The following HECW1 variants were observed in gnomAD, a reference collection of about 807,000 sequenced individuals.
HECW1 encodes the protein HECT, C2 and WW domain containing E3 ubiquitin protein ligase 1, also known as E3 ubiquitin-protein ligase HECW1.
In HECW1, 61 loss-of-function variants were observed where a neutral mutation model predicts 182.3. The ratio of observed to expected loss-of-function variants is 0.33; its 90% CI spans 0.27 to 0.41. The LOEUF (loss-of-function observed/expected upper bound fraction) is 0.41. Among genes scored for constraint, HECW1 ranks in the 10% least tolerant of loss-of-function variants. The pLI, the probability that HECW1 is intolerant of heterozygous loss-of-function variation, is 1.00. For missense variants in HECW1, 1,739 were observed against 2,108.9 expected (o/e 0.82, Z 3.44); for synonymous variants, 859 against 832.6 (o/e 1.03, Z -0.55).
chr7:43,530,250 G>A (rs2080928294), intron 24 of HECW1, among the ~76,000 whole-genome samples: 1 of 151,228 alleles, frequency 6.6e-6, no homozygotes, highest in African/African-American at 2.4e-5. Flanking sequence ...GAGCCACCAT[G>A]CCTGGCTCAT....
At chr7:43,124,663 G>A (rs1023456541) in intron 2 of HECW1, among the ~76,000 whole-genome samples, 3 of 152,164 alleles carry the variant, frequency 2.0e-5, no homozygotes, top group South Asian at 2.1e-4. Flanking sequence ...TGGCATCAAC[G>A]ATCGAGGTGC....
At chr7:43,410,436 C>T (rs943590711) in intron 8 of HECW1, among the ~76,000 whole-genome samples, 2 of 152,068 alleles carry the variant, frequency 1.3e-5, no homozygotes, top group Non-Finnish European at 2.9e-5. Flanking sequence ...TCCAAAGGCC[C>T]GGCCTCTTAA....
At chr7:43,386,306 G>A (rs2074794482) in intron 6 of HECW1, among the ~76,000 whole-genome samples, 1 of 152,226 alleles carries the variant, frequency 6.6e-6, no homozygotes, top group Non-Finnish European at 1.5e-5. Flanking sequence ...CACCACAGAG[G>A]CAGGAAATCT....
intron 3 of HECW1, among the ~76,000 whole-genome samples, chr7:43,285,437 C>A (rs1804512832): frequency 1.3e-5 from 2 of 152,222 alleles, no homozygotes; most frequent in African/African-American, 4.8e-5. Flanking sequence ...CCATGAGGAT[C>A]TCTGAAGTTC....
chr7:43,345,778 T>C (rs1210716295), intron 5 of HECW1, among the ~76,000 whole-genome samples: 3 of 149,768 alleles, frequency 2.0e-5, no homozygotes, highest in African/African-American at 7.4e-5. Context: ...TTTATGGTTG[T>C]GTAGTATTCC....
At chr7:43,429,187 T>G (rs1031013350) in intron 8 of HECW1, among the ~76,000 whole-genome samples, 1 of 149,500 alleles carries the variant, frequency 6.7e-6, no homozygotes, top group Non-Finnish European at 1.5e-5. Flanking sequence ...TGGCTGAGGA[T>G]TCTCATATGG....
intron 4 of HECW1, among the ~76,000 whole-genome samples, 192 bp from the exon 5 acceptor site, chr7:43,320,443 T>C (rs1227661100): frequency 3.9e-5 from 6 of 152,186 alleles, no homozygotes; most frequent in Non-Finnish European, 8.8e-5. Context: ...TGGGAGGCGA[T>C]CCCGGCATAA....
intron 16 of HECW1, among the ~76,000 whole-genome samples, chr7:43,475,426 A>G (rs922914515): frequency 6.6e-5 from 10 of 152,230 alleles, no homozygotes; most frequent in African/African-American, 2.2e-4. Context: ...AAATTGTTGA[A>G]AATACATGTG....
At chr7:43,188,000 C>T (rs1174249333) in intron 2 of HECW1, among the ~76,000 whole-genome samples, 2 of 152,166 alleles carry the variant, frequency 1.3e-5, no homozygotes, top group African/African-American at 2.4e-5. Context: ...TTTTTGGCAC[C>T]GTAGCACATA....
At chr7:43,350,410 C>A (rs554768644) in intron 5 of HECW1, among the ~76,000 whole-genome samples, 1 of 152,252 alleles carries the variant, frequency 6.6e-6, no homozygotes, top group Non-Finnish European at 1.5e-5. Flanking sequence ...CTGTCTAGGT[C>A]TCTTGCAAGG....
At chr7:43,232,580 T>C (rs545261261) in intron 2 of HECW1, among the ~76,000 whole-genome samples, 1 of 152,228 alleles carries the variant, frequency 6.6e-6, no homozygotes, top group African/African-American at 2.4e-5. Context: ...TTCTGAAGTG[T>C]AGGCTGAAGG....
chr7:43,362,923 G>A (rs572095994), intron 6 of HECW1, among the ~76,000 whole-genome samples: 21 of 152,360 alleles, frequency 1.4e-4, no homozygotes, highest in East Asian at 3.8e-4. Flanking sequence ...CTCAAGGCTC[G>A]TAGGGGAGAG....
intron 3 of HECW1, among the ~76,000 whole-genome samples, chr7:43,252,064 C>T (rs563994688): frequency 5.5e-4 from 83 of 152,186 alleles, no homozygotes; most frequent in Non-Finnish European, 9.3e-4. Flanking sequence ...AGAATTCACT[C>T]CCTTAACACA....
intron 2 of HECW1, among the ~76,000 whole-genome samples, chr7:43,190,213 A>C (rs1344010327): frequency 3.3e-5 from 5 of 152,152 alleles, no homozygotes; most frequent in Non-Finnish European, 7.4e-5. Flanking sequence ...TCCTGGGTTC[A>C]AGTGATTCTC....
chr7:43,338,283 G>A (rs1194402033), intron 5 of HECW1, among the ~76,000 whole-genome samples: 2 of 152,186 alleles, frequency 1.3e-5, no homozygotes, highest in Admixed American at 6.5e-5. Context: ...ATAGGGGACT[G>A]CAGCGTCAGT....
intron 16 of HECW1, among the ~76,000 whole-genome samples, chr7:43,478,729 T>C (rs967757181): frequency 1.3e-5 from 2 of 152,136 alleles, no homozygotes; most frequent in African/African-American, 4.8e-5. Flanking sequence ...TATTATCTTC[T>C]TTCTACTTTT....
At position 43,159,392 on chromosome 7, in the gene HECW1, T is replaced by A. The variant is rs1384613079; in HGVS notation, c.-32+45001T>A. Among the ~76,000 whole-genome samples, 7 of 147,980 alleles carry A rather than the reference T, an allele frequency of 4.7e-5. No homozygotes were observed. In the East Asian group the frequency reaches 1.4e-3, roughly 30 times the overall value. The stretch of plus-strand genomic sequence containing the variant: ...TGTTCCCCACCCTGTGTCCAAGTGA[T>A]CTCATTGGAATCTGACAGTTTATTT... On this transcript the variant is annotated intron_variant, in intron 2 of 29. Transcript: ENST00000395891.
intron 2 of HECW1, among the ~76,000 whole-genome samples, chr7:43,121,027 A>G (rs1347752540): frequency 6.6e-6 from 1 of 152,034 alleles, no homozygotes; most frequent in East Asian, 1.9e-4. Context: ...CTGAGCATAT[A>G]TCTTCCCTTT....
intron 24 of HECW1, among the ~76,000 whole-genome samples, chr7:43,535,634 A>C (rs1175264899): frequency 6.6e-6 from 1 of 152,180 alleles, no homozygotes; most frequent in Non-Finnish European, 1.5e-5. Context: ...CTAAAAAGAA[A>C]TATTTTGCAG....
Sources: gnomAD v4.1 joint callset for allele counts (sites outside exome capture counted in the v4.1 genomes callset) on GRCh38, gnomAD v4.1.1 for gene constraint, MANE v1.5 for transcripts, NCBI Gene and HGNC (gene_info 2026-07-23, HGNC 2026-07-21) for gene names.